Variants in THSD7A observed in about 807,000 individuals in gnomAD.
THSD7A encodes thrombospondin type 1 domain containing 7A, also known as thrombospondin type-1 domain-containing protein 7A.
Under a neutral mutation model 231.3 loss-of-function variants are expected in THSD7A, and 96 were observed. The observed-to-expected ratio is 0.41, with a 90% CI of 0.35 to 0.49. THSD7A has a LOEUF of 0.49. Among genes scored for constraint, THSD7A ranks in the 20% least tolerant of loss-of-function variants. The pLI is 0.05. For synonymous variants in THSD7A, 940 were observed against 743.3 expected, an observed-to-expected ratio of 1.26 and a Z score of -4.30; for missense variants, 2,290 against 2,070.2, an observed-to-expected ratio of 1.11 and a Z score of -2.06.
intron 19 of THSD7A, among the ~76,000 whole-genome samples, chr7:11,408,715 G>A (rs1197290260): frequency 6.6e-6 from 1 of 151,940 alleles, no homozygotes; most frequent in Non-Finnish European, 1.5e-5. Flanking sequence ...ATAGCTCTTA[G>A]CTCTAAGTTA....
At chr7:11,416,887 C>A (rs921113575) in intron 17 of THSD7A, among the ~76,000 whole-genome samples, 28 of 152,056 alleles carry the variant, frequency 1.8e-4, no homozygotes, top group African/African-American at 6.8e-4. Context: ...GCTTTCCAGG[C>A]CCAAAGAGAC....
At chr7:11,437,088 C>A (rs997999209) in intron 13 of THSD7A, among the ~76,000 whole-genome samples, 3 of 152,056 alleles carry the variant, frequency 2.0e-5, no homozygotes. Context: ...TGAAGGAAAG[C>A]CAAATAAGGA....
intron 3 of THSD7A, among the ~76,000 whole-genome samples, chr7:11,592,349 T>G (rs916220215): frequency 3.9e-5 from 6 of 152,218 alleles, no homozygotes; most frequent in African/African-American, 1.2e-4. Context: ...TGCATGTTCT[T>G]TAAATGTTTG....
chr7:11,576,468 C>T (rs781233026), intron 4 of THSD7A, among the ~76,000 whole-genome samples: 6 of 152,230 alleles, frequency 3.9e-5, no homozygotes, highest in Non-Finnish European at 5.9e-5. Context: ...GCACACAGCA[C>T]GAATGCATAT....
intron 1 of THSD7A, among the ~76,000 whole-genome samples, chr7:11,736,593 C>T (rs904657559): frequency 1.3e-5 from 2 of 151,906 alleles, no homozygotes. Flanking sequence ...TAAGAAAGTT[C>T]TGAATAATGT....
At chr7:11,462,258 G>T in intron 9 of THSD7A, 115 bp from the exon 10 acceptor site, 1 of 1,167,414 alleles carries the variant, frequency 8.6e-7, no homozygotes, top group Non-Finnish European at 1.2e-6. Flanking sequence ...TGACATCCCT[G>T]AGAGGCTTCA....
intron 6 of THSD7A, among the ~76,000 whole-genome samples, chr7:11,504,152 T>A (rs1787451770): frequency 6.6e-6 from 1 of 152,172 alleles, no homozygotes; most frequent in Non-Finnish European, 1.5e-5. Flanking sequence ...AGATCATGTC[T>A]CTTGTGGGAA....
intron 17 of THSD7A, among the ~76,000 whole-genome samples, chr7:11,417,151 A>G (rs1783988955): frequency 6.6e-6 from 1 of 152,148 alleles, no homozygotes; most frequent in African/African-American, 2.4e-5. Context: ...TCACCACTGC[A>G]GTTTTTAACA....
At chr7:11,559,133 T>G (rs528967975) in intron 4 of THSD7A, among the ~76,000 whole-genome samples, 1 of 152,228 alleles carries the variant, frequency 6.6e-6, no homozygotes, top group East Asian at 1.9e-4. Flanking sequence ...AAGATCTCAG[T>G]CTTTGAACTC....
chr7:11,684,982 G>A (rs560359081), intron 1 of THSD7A, among the ~76,000 whole-genome samples: 1 of 152,030 alleles, frequency 6.6e-6, no homozygotes, highest in African/African-American at 2.4e-5. Context: ...ACACTGCAAG[G>A]CTATAAGTAA....
intron 1 of THSD7A, among the ~76,000 whole-genome samples, chr7:11,822,372 A>G (rs1050587111): frequency 6.6e-6 from 1 of 152,096 alleles, no homozygotes; most frequent in Non-Finnish European, 1.5e-5. Context: ...TGCCAAACAC[A>G]TAATTTTATT....
chr7:11,577,759 G>A (rs12699248), intron 4 of THSD7A, among the ~76,000 whole-genome samples: 26,899 of 151,720 alleles, frequency 0.18, 2,489 homozygotes, highest in East Asian at 0.24. Context: ...AGATGGAACA[G>A]CGTGGCATTC....
At chr7:11,621,994 C>G (rs4324838) in intron 2 of THSD7A, among the ~76,000 whole-genome samples, 1 of 151,920 alleles carries the variant, frequency 6.6e-6, no homozygotes, top group African/African-American at 2.4e-5. Flanking sequence ...TTAAAGATAA[C>G]GTCATATTAG....
intron 8 of THSD7A, among the ~76,000 whole-genome samples, chr7:11,473,744 T>A (rs1316731047): frequency 2.0e-5 from 3 of 152,152 alleles, no homozygotes; most frequent in African/African-American, 7.2e-5. Context: ...GTTATTATAG[T>A]ACTCAAAAGC....
Position 11,636,063 on chromosome 7 carries a change from G to T in THSD7A, c.1022+67C>A. 5 of 1,386,250 alleles carry T rather than the reference G, an allele frequency of 3.6e-6. No homozygotes were observed. Among genetic ancestry groups the T allele is most frequent in the Non-Finnish European group, 4.0e-6 (4 of 1,006,640 alleles). 85.9% of individuals were successfully genotyped at this position (1,386,250 alleles called of 1,614,324 possible). A position where few individuals can be genotyped will look rare whatever the true frequency, so the allele number is the denominator to read the frequency against. On this transcript the variant is annotated intron_variant, in intron 2 of 27. Transcript: ENST00000423059. This position sits in a 1 kb window ranked among gnomAD's most constrained non-coding sequence, Gnocchi z 10.0. ...AATCCAGAAGTTATTAGATAGTACC[G>T]GATATCTTAGGTACTCATGATTCTT...
intron 4 of THSD7A, among the ~76,000 whole-genome samples, chr7:11,578,812 T>G (rs1283318526): frequency 6.6e-6 from 1 of 152,320 alleles, no homozygotes; most frequent in African/African-American, 2.4e-5. Flanking sequence ...CTGGTTTTGC[T>G]TCAATGGATA....
chr7:11,561,117 T>A (rs1005414377), intron 4 of THSD7A, among the ~76,000 whole-genome samples: 1 of 152,282 alleles, frequency 6.6e-6, no homozygotes, highest in Middle Eastern at 3.4e-3. Context: ...TCTGGCTCCA[T>A]AGTCTTCAGT....
chr7:11,629,280 C>A (rs1781574622), intron 2 of THSD7A, among the ~76,000 whole-genome samples: 1 of 152,094 alleles, frequency 6.6e-6, no homozygotes, highest in African/African-American at 2.4e-5. Context: ...TAATATACTG[C>A]CTGGTCAGCT....
chr7:11,516,481 T>C (rs1289967356), intron 6 of THSD7A, among the ~76,000 whole-genome samples: 3 of 152,176 alleles, frequency 2.0e-5, no homozygotes, highest in Non-Finnish European at 2.9e-5. Context: ...TAGTGCCTCA[T>C]CCCCATCTTC....
Sources: allele counts gnomAD v4.1 joint callset (sites outside exome capture counted in the v4.1 genomes callset), GRCh38; gene constraint gnomAD v4.1.1; non-coding constraint Gnocchi (gnomAD v3.1); transcripts MANE v1.5; gene names NCBI Gene and HGNC (gene_info 2026-07-23, HGNC 2026-07-21).